Variants in OCIAD1 observed in about 807,000 individuals in gnomAD.
OCIAD1 encodes the protein OCIA domain containing 1.
Under a neutral mutation model 38.9 loss-of-function variants are expected in OCIAD1, and 29 were observed. That is an observed-to-expected ratio of 0.74 (90% CI 0.55 to 1.02). OCIAD1 has a LOEUF of 1.02. Ranked by LOEUF, OCIAD1 falls within the 50% of genes least tolerant of loss-of-function variation. The pLI is 0.00. For synonymous variants in OCIAD1, 110 were observed against 92.0 expected (o/e 1.20, Z -1.12); for missense variants, 288 against 289.6 (o/e 0.99, Z 0.04).
chr4:48,810,894 C>CTTTCT (rs1165654461), intron 1 of OCIAD1, among the ~76,000 whole-genome samples: 4 of 64,236 alleles, frequency 6.2e-5, no homozygotes, highest in African/African-American at 2.5e-4. Context: ...TTCTTTCTTT[C>CTTTCT]TTTTTTTTTT....
At chr4:48,816,574 G>C (rs1579034563) in intron 1 of OCIAD1, among the ~76,000 whole-genome samples, 1 of 151,166 alleles carries the variant, frequency 6.6e-6, no homozygotes, top group East Asian at 1.9e-4. Flanking sequence ...ACTGGCTTTT[G>C]TTGAATAAAT....
At chr4:48,810,663 G>C (rs1777078729) in intron 1 of OCIAD1, among the ~76,000 whole-genome samples, 1 of 151,830 alleles carries the variant, frequency 6.6e-6, no homozygotes, top group African/African-American at 2.4e-5. Context: ...CACTGTTCTA[G>C]GCACTAGGGA....
chr4:48,856,190 C>T (rs1434501242), intron 7 of OCIAD1: 1 of 151,834 alleles, frequency 6.6e-6, no homozygotes, highest in African/African-American at 2.4e-5. Context: ...ATTATATTTA[C>T]ATTTGACTCT....
chr4:48,842,578 A>G, intron 3 of OCIAD1, 58 bp from the exon 4 acceptor site: 2 of 1,092,008 alleles, frequency 1.8e-6, no homozygotes, highest in Non-Finnish European at 2.7e-6. Context: ...TATCTAATGA[A>G]CTTTAGACAA....
intron 3 of OCIAD1, among the ~76,000 whole-genome samples, chr4:48,841,880 A>G (rs1778564007): frequency 6.6e-6 from 1 of 152,168 alleles, no homozygotes. Context: ...TAATATTTTC[A>G]TATAGTTTAA....
intron 5 of OCIAD1, among the ~76,000 whole-genome samples, chr4:48,849,534 GT>G (rs1398271897): frequency 6.6e-6 from 1 of 152,072 alleles, no homozygotes. Context: ...ATGATATTCT[GT>G]TTTATAGGAA....
At chr4:48,850,636 T>A (rs1375867516) in intron 6 of OCIAD1, among the ~76,000 whole-genome samples, 1 of 152,162 alleles carries the variant, frequency 6.6e-6, no homozygotes, top group Non-Finnish European at 1.5e-5. Context: ...TACAGTGGCG[T>A]GATCTCGGCT....
chr4:48,837,584 C>T (rs1239904888), intron 3 of OCIAD1, among the ~76,000 whole-genome samples: 7 of 151,720 alleles, frequency 4.6e-5, no homozygotes, highest in African/African-American at 1.7e-4. Context: ...AGCCACTGTG[C>T]CTGGCCAGAA....
chr4:48,824,993 C>T (rs1777234273), intron 1 of OCIAD1, among the ~76,000 whole-genome samples: 1 of 152,164 alleles, frequency 6.6e-6, no homozygotes, highest in African/African-American at 2.4e-5. Flanking sequence ...ACCTTGGCAT[C>T]CCAAAGTACT....
At position 48,831,615 on chromosome 4, in the gene OCIAD1, G is replaced by C. The variant is rs1316828296; in HGVS notation, c.-6+366G>C. ...TTAAAATGGTATTGTCTTAAGCGCC[G>C]TGTCAGCCCTGACAGTCTTCCTGGT... On this transcript the variant is annotated intron_variant, in intron 1 of 8. Coordinates refer to ENST00000264312, the MANE Select transcript of OCIAD1 (RefSeq NM_017830.4). 8 of 1,172,288 alleles carry C rather than the reference G, an allele frequency of 6.8e-6. No individual in the cohort carries two copies. The African/African-American group carries it at 7.9e-5, about 12-fold the overall frequency. 72.6% of individuals were successfully genotyped at this position (1,172,288 alleles called of 1,614,324 possible).
At chr4:48,825,558 T>G (rs1267538192) in intron 1 of OCIAD1, among the ~76,000 whole-genome samples, 1 of 152,206 alleles carries the variant, frequency 6.6e-6, no homozygotes, top group Non-Finnish European at 1.5e-5. Context: ...GACTTTGTTT[T>G]CCTCTAAATC....
At chr4:48,860,633 A>C in intron 8 of OCIAD1, 92 bp from the exon 9 acceptor site, 1 of 973,754 alleles carries the variant, frequency 1.0e-6, no homozygotes, top group Non-Finnish European at 1.6e-6. Flanking sequence ...AATGAGAGAG[A>C]AACATAACTT....
chr4:48,834,969 T>C (rs1036077591), intron 3 of OCIAD1, among the ~76,000 whole-genome samples: 4 of 152,260 alleles, frequency 2.6e-5, no homozygotes, highest in African/African-American at 4.8e-5. Flanking sequence ...AGTCTCACTC[T>C]CTTCCCCAGG....
chr4:48,841,269 C>T (rs1344737973), intron 3 of OCIAD1, among the ~76,000 whole-genome samples: 2 of 152,174 alleles, frequency 1.3e-5, no homozygotes, highest in African/African-American at 4.8e-5. Flanking sequence ...TTGCCAACCT[C>T]AGGTCTGGAA....
At chr4:48,857,519 T>C (rs1184795040) in intron 8 of OCIAD1, among the ~76,000 whole-genome samples, 154 bp downstream of exon 8, 3 of 152,012 alleles carry the variant, frequency 2.0e-5, no homozygotes, top group Non-Finnish European at 2.9e-5. Flanking sequence ...TTTACAGTTA[T>C]CAGTTCTTTT....
At chr4:48,822,330 T>C (rs1777202505) in intron 1 of OCIAD1, among the ~76,000 whole-genome samples, 1 of 152,232 alleles carries the variant, frequency 6.6e-6, no homozygotes, top group Non-Finnish European at 1.5e-5. Context: ...CTGGGAAAAC[T>C]GGCTTGGCCA....
chr4:48,855,772 T>C (rs1036386541), intron 7 of OCIAD1, among the ~76,000 whole-genome samples: 23 of 150,740 alleles, frequency 1.5e-4, no homozygotes, highest in Admixed American at 1.1e-3. Context: ...GTCGAGATTG[T>C]GCCCCTGTGC....
At chr4:48,831,052 C>T, upstream of OCIAD1, 4 of 209,012 alleles carry the variant, frequency 1.9e-5, no homozygotes, top group Non-Finnish European at 3.0e-5. Flanking sequence ...CATTTCCTGC[C>T]GTAAGTATAC....
intron 1 of OCIAD1, among the ~76,000 whole-genome samples, chr4:48,818,875 A>G (rs1281369346): frequency 6.6e-6 from 1 of 152,234 alleles, no homozygotes; most frequent in Non-Finnish European, 1.5e-5. Flanking sequence ...AGATTAGAGA[A>G]AAAATAATGA....
Sources: allele counts gnomAD v4.1 joint callset (sites outside exome capture counted in the v4.1 genomes callset), GRCh38; gene constraint gnomAD v4.1.1; transcripts MANE v1.5; gene names NCBI Gene and HGNC (gene_info 2026-07-23, HGNC 2026-07-21).